Variants in AIMP1 observed in about 807,000 individuals in gnomAD.
The protein encoded by AIMP1 is aminoacyl tRNA synthetase complex interacting multifunctional protein 1.
Under a neutral mutation model 33.1 loss-of-function variants are expected in AIMP1, and 24 were observed. The observed-to-expected ratio is 0.73, with a 90% confidence interval of 0.53 to 1.02. The LOEUF (loss-of-function observed/expected upper bound fraction) is 1.02. Among genes scored for constraint, AIMP1 ranks in the 50% least tolerant of loss-of-function variants. The probability of loss-of-function intolerance (pLI) is 0.00; values close to 1 mark genes in which losing one functional copy is unlikely to be tolerated. For missense variants in AIMP1, 367 were observed against 364.8 expected (o/e 1.01, Z -0.05); for synonymous variants, 120 against 121.5 (o/e 0.99, Z 0.08).
chr4:106,332,710 A>G, intron 5 of AIMP1, among the ~76,000 whole-genome samples: 1 of 150,596 alleles, frequency 6.6e-6, no homozygotes. Context: ...ATAGATATAT[A>G]TATATATACT....
chr4:106,336,355 T>A (rs758857465), intron 5 of AIMP1, among the ~76,000 whole-genome samples: 1 of 151,928 alleles, frequency 6.6e-6, no homozygotes, highest in East Asian at 1.9e-4. Context: ...TTTTTTTAAA[T>A]TAAAAAATAA....
intron 5 of AIMP1, among the ~76,000 whole-genome samples, chr4:106,332,949 C>T (rs776086482): frequency 6.6e-6 from 1 of 152,088 alleles, no homozygotes; most frequent in Non-Finnish European, 1.5e-5. Flanking sequence ...AATACTTACA[C>T]ATGGAATTTT....
At position 106,331,821 on chromosome 4, in the gene AIMP1, G is replaced by A; in HGVS notation, c.541G>A (p.Val181Ile). 6.2e-7 allele frequency: 1 copy of A among 1,614,120 alleles called. No homozygotes were observed. The highest frequency in any genetic ancestry group is 2.2e-5 in the East Asian group (1 of 44,874). ...ADSLYVEEVD[V>I]GEIAPRTVVS... is the part of the protein sequence containing the mutation. ...TTCTTTGTATGTGGAAGAAGTAGATGTCGGAGAAATAGCCCCAAGGACAGT... is the reference window on the plus strand; with the variant it reads ...TTCTTTGTATGTGGAAGAAGTAGATATCGGAGAAATAGCCCCAAGGACAGT... Residue 181 changes from valine (V) to isoleucine (I), a missense_variant, in exon 5 of 7, where the codon GTC (valine) becomes ATC (isoleucine). Physicochemically the swap from Val to Ile is conservative, Grantham distance 29. Coordinates refer to ENST00000672341, the MANE Select transcript of AIMP1 (RefSeq NM_001142416.2).
At chr4:106,335,573 G>A (rs979442102) in intron 5 of AIMP1, among the ~76,000 whole-genome samples, 2 of 152,092 alleles carry the variant, frequency 1.3e-5, no homozygotes, top group African/African-American at 4.8e-5. Context: ...GATCCTTAAA[G>A]GATTGCATCT....
intron 1 of AIMP1, among the ~76,000 whole-genome samples, chr4:106,318,389 A>G (rs772589487): frequency 6.6e-6 from 1 of 152,184 alleles, no homozygotes; most frequent in Non-Finnish European, 1.5e-5. Context: ...TATAATAAGG[A>G]CGGTCTTTCA....
Position 106,331,762 on chromosome 4 carries a change from G to A in AIMP1, c.482G>A (p.Cys161Tyr). Residue 161 changes from cysteine to tyrosine, a missense_variant, in exon 5 of 7, where the codon TGC becomes TAC. Cys to Tyr is a radical substitution (Grantham distance 194). Coordinates refer to ENST00000672341, the MANE Select transcript of AIMP1 (RefSeq NM_001142416.2). ...TCCCGTCTGGATCTTCGAATTGGTTGCATCATAACTGCTAGAAAACACCCT... is the reference window on the plus strand; with the variant it reads ...TCCCGTCTGGATCTTCGAATTGGTTACATCATAACTGCTAGAAAACACCCT... Reference protein sequence around the residue: ...DVSRLDLRIGCIITARKHPDA... With the variant: ...DVSRLDLRIGYIITARKHPDA... The A allele has an allele frequency of 6.2e-7, 1 of 1,614,102 alleles. No individual in the cohort carries two copies. Among genetic ancestry groups the A allele is most frequent in the Non-Finnish European group, 8.5e-7 (1 of 1,179,994 alleles).
chr4:106,321,216 G>T (rs994015201), intron 1 of AIMP1: 8 of 162,008 alleles, frequency 4.9e-5, no homozygotes, highest in Admixed American at 1.3e-4. Flanking sequence ...CATCGTCGGG[G>T]ATGTGAGGAG....
At chr4:106,337,952 T>A (rs1272112574) in intron 6 of AIMP1, among the ~76,000 whole-genome samples, 1 of 152,238 alleles carries the variant, frequency 6.6e-6, no homozygotes, top group African/African-American at 2.4e-5. Context: ...ACTTTTGCTA[T>A]ACTTTAGCAA....
At chr4:106,334,271 T>G (rs1468740792) in intron 5 of AIMP1, among the ~76,000 whole-genome samples, 8 of 136,136 alleles carry the variant, frequency 5.9e-5, no homozygotes, top group African/African-American at 2.2e-4. Context: ...ATAAATTTCT[T>G]TTTTCTTTTT....
chr4:106,322,083 G>T (rs1345158633), intron 1 of AIMP1, among the ~76,000 whole-genome samples: 1 of 152,102 alleles, frequency 6.6e-6, no homozygotes, highest in Non-Finnish European at 1.5e-5. Context: ...GATGCTTGAA[G>T]GCAGCATGCT....
chr4:106,331,627 C>T (rs1448200889), intron 4 of AIMP1, 45 bp from the exon 5 acceptor site: 4 of 1,567,904 alleles, frequency 2.6e-6, no homozygotes, highest in Non-Finnish European at 1.8e-6. Context: ...TGTTTTTTTG[C>T]TTGGTTTTAT....
At chr4:106,316,534 G>A (rs1188102167), upstream of AIMP1, 2 of 1,551,484 alleles carry the variant, frequency 1.3e-6, no homozygotes, top group African/African-American at 1.4e-5. Flanking sequence ...TAGTACGCGG[G>A]TGGCTGGACC....
At chr4:106,327,985 A>G in intron 3 of AIMP1, 91 bp from the exon 4 acceptor site, 9 of 1,546,610 alleles carry the variant, frequency 5.8e-6, no homozygotes, top group Non-Finnish European at 7.9e-6. Flanking sequence ...TTTTCATTTA[A>G]AAAGAGTTCC....
chr4:106,326,398 G>A (rs931447935), intron 2 of AIMP1, among the ~76,000 whole-genome samples: 7 of 151,936 alleles, frequency 4.6e-5, no homozygotes, highest in Non-Finnish European at 1.0e-4. Flanking sequence ...GACATTCTTG[G>A]CTTCTGCCCA....
At chr4:106,325,265 C>T (rs1769415359) in intron 2 of AIMP1, 147 bp downstream of exon 2, 5 of 723,614 alleles carry the variant, frequency 6.9e-6, no homozygotes, top group Non-Finnish European at 1.1e-5. Flanking sequence ...TGAATTTCTA[C>T]CTTCAGGACT....
At chr4:106,331,245 G>T (rs3113252) in intron 4 of AIMP1, among the ~76,000 whole-genome samples, 60,027 of 151,926 alleles carry the variant, frequency 0.4, 12,097 homozygotes, top group South Asian at 0.47. Context: ...TTTTAGAGGA[G>T]TCTCTATTAT....
Position 106,316,586 on chromosome 4 carries a change from C to T in AIMP1, c.-34C>T, listed in dbSNP as rs1471885758. ...TGGCTGTCTCGGAACCCGTGGTCCT[C>T]CGCTTCATGTGAGTGACGTCGTGGC... On this transcript the variant is annotated 5_prime_UTR_variant, in exon 1 of 7. Transcript: ENST00000672341. 24 of 1,551,396 alleles carry T rather than the reference C, an allele frequency of 1.5e-5. No homozygotes were observed. The highest frequency in any genetic ancestry group is 4.1e-5 in the African/African-American group (3 of 73,020).
chr4:106,343,876 A>C (rs1345735791), intron 6 of AIMP1, among the ~76,000 whole-genome samples: 1 of 152,356 alleles, frequency 6.6e-6, no homozygotes, highest in Admixed American at 6.5e-5. Context: ...TCGTATTAAT[A>C]GTAGAAATTA....
intron 4 of AIMP1, among the ~76,000 whole-genome samples, chr4:106,328,584 C>T (rs1769546958): frequency 6.6e-6 from 1 of 152,152 alleles, no homozygotes; most frequent in Non-Finnish European, 1.5e-5. Context: ...AGATAGGAAA[C>T]TAGCTTAGGA....
Sources: gnomAD v4.1 joint callset for allele counts (sites outside exome capture counted in the v4.1 genomes callset) on GRCh38, gnomAD v4.1.1 for gene constraint, MANE v1.5 for transcripts, NCBI Gene and HGNC (gene_info 2026-07-23, HGNC 2026-07-21) for gene names.